SFI1: variants seen among roughly 807,000 people sequenced by gnomAD.
SFI1 encodes the protein protein SFI1 homolog.
SFI1 carries 195 observed loss-of-function variants against 207.5 expected under a neutral mutation model. The ratio of observed to expected loss-of-function variants is 0.94; its 90% CI spans 0.84 to 1.06. SFI1 has a LOEUF of 1.06. Ranked by LOEUF, SFI1 falls within the 50% of genes least tolerant of loss-of-function variation. SFI1 has a pLI of 0.00. For synonymous variants in SFI1, 630 were observed against 598.9 expected, an observed-to-expected ratio of 1.05 and a Z score of -0.76; for missense variants, 1,634 against 1,588.0, an observed-to-expected ratio of 1.03 and a Z score of -0.49.
At chr22:31,614,113 A>G in intron 27 of SFI1, 1 of 493,024 alleles carries the variant, frequency 2.0e-6, no homozygotes, top group Non-Finnish European at 3.6e-6. Flanking sequence ...CCTCTGCAAC[A>G]CCTTCCTACC....
chr22:31,589,780 T>A (rs1461011577), intron 15 of SFI1, among the ~76,000 whole-genome samples: 2 of 150,872 alleles, frequency 1.3e-5, no homozygotes, highest in East Asian at 1.9e-4. Flanking sequence ...TTGTCCATCT[T>A]TATTTATTTA....
chr22:31,506,553 G>T (rs923087697), intron 1 of SFI1, among the ~76,000 whole-genome samples: 6 of 152,170 alleles, frequency 3.9e-5, no homozygotes, highest in East Asian at 1.9e-4. Context: ...TCTCCTCTCA[G>T]TTTCCTTCAT....
chr22:31,608,028 A>AC lies in SFI1; in HGVS notation c.2250dup (p.Arg751GlnfsTer206). 1 of 1,613,770 alleles carries AC rather than the reference A, an allele frequency of 6.2e-7. No homozygotes were observed. The highest frequency in any genetic ancestry group is 8.5e-7 in the Non-Finnish European group (1 of 1,179,794). On this transcript the variant is annotated frameshift_variant, in exon 22 of 33. Transcript: ENST00000400288. LOFTEE classifies it high-confidence loss of function. Reference sequence around the variant, plus strand: ...ATCTGGGAGGCCCAGAAGGTGCTGGACAGGGGTAAGTGGGGCCCCAGAAGC... The same window carrying AC: ...ATCTGGGAGGCCCAGAAGGTGCTGGACCAGGGGTAAGTGGGGCCCCAGAAGC...
rs753348932 is a variant in SFI1, at chr22:31,613,705, C to T, written c.2846C>T (p.Pro949Leu). 2.5e-6 allele frequency: 4 copies of T among 1,612,470 alleles called. No individual in the cohort carries two copies. In the South Asian group the frequency reaches 3.3e-5, roughly 13 times the overall value. The part of the protein sequence containing the change: ...GKPQPLAAIA[P>L]SRKVTFEGPL... Reference sequence around the variant, plus strand: ...CCTCAGCCCCTGGCAGCCATCGCACCCAGCAGGAAAGTGACGTTTGAGGGT... The same window carrying T: ...CCTCAGCCCCTGGCAGCCATCGCACTCAGCAGGAAAGTGACGTTTGAGGGT... Residue 949 changes from proline (P) to leucine (L), a missense_variant, in exon 27 of 33, where the codon CCC (proline) becomes CTC (leucine). Pro to Leu is a moderately conservative substitution (Grantham distance 98). Coordinates refer to ENST00000400288, the MANE Select transcript of SFI1 (RefSeq NM_001007467.3).
At chr22:31,502,945 C>T (rs1028616656) in intron 1 of SFI1, among the ~76,000 whole-genome samples, 2 of 150,132 alleles carry the variant, frequency 1.3e-5, no homozygotes, top group Non-Finnish European at 2.9e-5. Context: ...TGTGATGGTA[C>T]TCAGGAGGCT....
At chr22:31,514,627 CCTCT>C (rs2056215408) in intron 2 of SFI1, among the ~76,000 whole-genome samples, 1 of 151,934 alleles carries the variant, frequency 6.6e-6, no homozygotes, top group African/African-American at 2.4e-5. Flanking sequence ...CCACCATTCT[CCTCT>C]CTGTTTCTAT....
intron 15 of SFI1, among the ~76,000 whole-genome samples, chr22:31,594,006 C>CAGGGAGAGGGAG (rs1222554824): frequency 8.8e-4 from 3 of 3,404 alleles, no homozygotes; most frequent in Admixed American, 2.6e-3. Context: ...GGGAGAGGGA[C>CAGGGAGAGGGAG]AGGGAGAGGG....
At chr22:31,585,012 C>CTTTG in intron 13 of SFI1, 56 bp from the exon 14 acceptor site, 2 of 1,539,762 alleles carry the variant, frequency 1.3e-6, no homozygotes. Context: ...ATTTACCTGC[C>CTTTG]TTAAAACAAA....
chr22:31,599,821 A>G (rs2067813802), intron 15 of SFI1, among the ~76,000 whole-genome samples: 1 of 152,040 alleles, frequency 6.6e-6, no homozygotes. Flanking sequence ...TAGTGCAAGA[A>G]CATGAAAACA....
At position 31,568,310 on chromosome 22, in the gene SFI1, C is replaced by T. The variant is rs777880820; in HGVS notation, c.766-4748C>T. On this transcript the variant is annotated intron_variant, in intron 8 of 32. Coordinates refer to ENST00000400288, the MANE Select transcript of SFI1 (RefSeq NM_001007467.3). ...GGGAGGCAGAGGCAGGTGGATCACC[C>T]GAGGTCAGGAGTTCGAGACTAGCCT... Among the ~76,000 whole-genome samples, 13 of 148,934 alleles carry T rather than the reference C, an allele frequency of 8.7e-5. No individual in the cohort carries two copies. In the East Asian group the frequency reaches 1.2e-3, roughly 14 times the overall value.
chr22:31,582,247 T>TTA (rs2064406123), intron 12 of SFI1, among the ~76,000 whole-genome samples: 1 of 73,844 alleles, frequency 1.4e-5, no homozygotes, highest in East Asian at 5.3e-4. Flanking sequence ...TTTTTTTTTT[T>TTA]TTTTTTTTTT....
At chr22:31,614,087 G>T in intron 27 of SFI1, 1 of 551,364 alleles carries the variant, frequency 1.8e-6, no homozygotes, top group Non-Finnish European at 3.1e-6. Flanking sequence ...CAAAGCTCAG[G>T]AAATAGGTGT....
rs913666564 is a variant in SFI1 at position 31,554,410 on chromosome 22, G to A, written c.545-2532G>A. On this transcript the variant is annotated intron_variant, in intron 6 of 32. Coordinates refer to ENST00000400288, the MANE Select transcript of SFI1 (RefSeq NM_001007467.3). ...CGCAAGCTCCACCTCCCGGATTCAC[G>A]CCATTCTCCTACCTCAGCCTCCCAA... Among the ~76,000 whole-genome samples, 12 of 151,712 alleles carry A rather than the reference G, an allele frequency of 7.9e-5. No individual in the cohort carries two copies. In the East Asian group the frequency reaches 9.7e-4, roughly 12 times the overall value.
chr22:31,579,342 G>A (rs2063839225), intron 11 of SFI1, among the ~76,000 whole-genome samples: 1 of 150,152 alleles, frequency 6.7e-6, no homozygotes, highest in Non-Finnish European at 1.5e-5. Context: ...TTGAGACAGA[G>A]TCTCGCTCTG....
At chr22:31,616,422 G>C (rs1359602053) in intron 29 of SFI1, 1 of 295,846 alleles carries the variant, frequency 3.4e-6, no homozygotes, top group Non-Finnish European at 6.3e-6. Flanking sequence ...AAGGTCATGA[G>C]CTTAGAGCAG....
chr22:31,522,309 C>T (rs1232701380), intron 2 of SFI1, among the ~76,000 whole-genome samples: 2 of 151,670 alleles, frequency 1.3e-5, no homozygotes, highest in African/African-American at 2.4e-5. Flanking sequence ...CCACCTGCCT[C>T]AGCCTCCCAA....
intron 15 of SFI1, among the ~76,000 whole-genome samples, chr22:31,589,818 T>C (rs1426937905): frequency 6.6e-6 from 1 of 152,022 alleles, no homozygotes; most frequent in Non-Finnish European, 1.5e-5. Flanking sequence ...TATATATGTA[T>C]TTATTAAAAA....
In SFI1 at chr22:31,614,243, A is replaced by G. The variant is rs187566719; in HGVS notation, c.2996+388A>G. On this transcript the variant is annotated intron_variant, in intron 27 of 32. Transcript: ENST00000400288. ...TCTTCTGCTCCATCACAGCCAAGAC[A>G]CTGGCTTTTTGTCAGAAGCCCCTCT... 1.8e-5 allele frequency: 6 copies of G among 336,632 alleles called. No individual in the cohort carries two copies. In the East Asian group the frequency reaches 1.9e-4, roughly 11 times the overall value. The allele number at this position is 336,632 out of a possible 1,614,324, so 20.9% of individuals were successfully genotyped here. A position where few individuals can be genotyped will look rare whatever the true frequency, so the allele number is the denominator to read the frequency against.
At chr22:31,499,322 G>T (rs1196067384) in intron 1 of SFI1, among the ~76,000 whole-genome samples, 1 of 152,078 alleles carries the variant, frequency 6.6e-6, no homozygotes. Flanking sequence ...AGCCTCCCGA[G>T]TAGCTGGGAT....
Sources: gnomAD v4.1 joint callset for allele counts (sites outside exome capture counted in the v4.1 genomes callset) on GRCh38, gnomAD v4.1.1 for gene constraint, MANE v1.5 for transcripts, NCBI Gene and HGNC (gene_info 2026-07-23, HGNC 2026-07-21) for gene names.